NHS: variants seen among roughly 807,000 people sequenced by gnomAD.
NHS encodes the protein NHS actin remodeling regulator, also known as actin remodeling regulator NHS.
In NHS, 5 loss-of-function variants were observed where a neutral mutation model predicts 72.5. The ratio of observed to expected loss-of-function variants is 0.07; its 90% CI spans 0.04 to 0.14. The LOEUF (loss-of-function observed/expected upper bound fraction) is 0.14. NHS is among the 10% of genes least tolerant of loss of function. The pLI is 1.00. For missense variants in NHS, 1,072 were observed against 1,355.7 expected (o/e 0.79, Z 3.29); for synonymous variants, 464 against 547.7 (o/e 0.85, Z 2.13).
Position 17,726,202 on chromosome X carries a change from C to T in NHS, c.2096C>T (p.Ala699Val), listed in dbSNP as rs751367696. Reference protein sequence around the residue: ...DHLDKVRGHRANSFTSTVADL... With the variant: ...DHLDKVRGHRVNSFTSTVADL... ...TTGGATAAAGTGAGAGGCCATCGGGCAAACTCCTTTACCTCCACTGTTGCA... is the reference window on the plus strand; with the variant it reads ...TTGGATAAAGTGAGAGGCCATCGGGTAAACTCCTTTACCTCCACTGTTGCA... The change falls in exon 7 of 9, where the codon GCA (alanine) becomes GTA (valine). Residue 699 changes from alanine to valine, a missense_variant. By Grantham distance (64) the Ala-to-Val change is moderately conservative (BLOSUM62 0). Transcript: ENST00000676302. The T allele has an allele frequency of 1.7e-5, 21 of 1,210,434 alleles. No homozygotes were observed. The Admixed American group carries it at 4.1e-4, about 24-fold the overall frequency.
intron 4 of NHS, among the ~76,000 whole-genome samples, chrX:17,720,936 T>C (rs917240696): frequency 8.9e-6 from 1 of 112,289 alleles, no homozygotes; most frequent in African/African-American, 3.2e-5. Flanking sequence ...AATTAACTCC[T>C]CATGTTTTAA....
At chrX:17,607,391 G>C in intron 1 of NHS, among the ~76,000 whole-genome samples, 1 of 111,826 alleles carries the variant, frequency 8.9e-6, no homozygotes. Context: ...CCAGCCCTTG[G>C]GGAGGTTCTA....
chrX:17,615,185 T>C (rs1201042209), intron 1 of NHS, among the ~76,000 whole-genome samples: 12 of 88,498 alleles, frequency 1.4e-4, no homozygotes, highest in African/African-American at 5.2e-4. Flanking sequence ...ATATATATAG[T>C]ATATATACAC....
chrX:17,456,560 T>C (rs2064826608), intron 1 of NHS, among the ~76,000 whole-genome samples: 1 of 112,228 alleles, frequency 8.9e-6, no homozygotes, highest in African/African-American at 3.2e-5. Flanking sequence ...TTGAAACTGG[T>C]AATGCCATTT....
At chrX:17,440,108 A>G (rs1386802809) in intron 1 of NHS, among the ~76,000 whole-genome samples, 1 of 109,270 alleles carries the variant, frequency 9.2e-6, no homozygotes, top group Non-Finnish European at 1.9e-5. Context: ...TAAAAATACA[A>G]TAATTAGCTG....
At chrX:17,638,702 A>T (rs1479743556) in intron 1 of NHS, among the ~76,000 whole-genome samples, 1 of 112,314 alleles carries the variant, frequency 8.9e-6, no homozygotes, top group East Asian at 2.8e-4. Flanking sequence ...TTAAACGATG[A>T]TGAAATGAAA....
At chrX:17,384,229 G>T (rs2064394382) in intron 1 of NHS, among the ~76,000 whole-genome samples, 1 of 111,952 alleles carries the variant, frequency 8.9e-6, no homozygotes, top group Admixed American at 9.5e-5. Flanking sequence ...TTTGGTTAGT[G>T]TGTTCTCTTG....
chrX:17,642,772 T>C (rs1338007476), intron 1 of NHS, among the ~76,000 whole-genome samples: 1 of 112,755 alleles, frequency 8.9e-6, no homozygotes, highest in Non-Finnish European at 1.9e-5. Context: ...TAGCAACTTA[T>C]TTTAGCAATT....
At chrX:17,663,053 TATTCATTC>T (rs770263416) in intron 1 of NHS, among the ~76,000 whole-genome samples, 1 of 111,906 alleles carries the variant, frequency 8.9e-6, no homozygotes, top group Admixed American at 9.5e-5. Context: ...CTCTGATTAT[TATTCATTC>T]ATTCATTCAA....
intron 1 of NHS, among the ~76,000 whole-genome samples, chrX:17,480,679 T>C (rs1347947765): frequency 8.9e-6 from 1 of 111,883 alleles, no homozygotes; most frequent in African/African-American, 3.2e-5. Flanking sequence ...CATGACGTTT[T>C]AATTAATTTA....
At chrX:17,655,687 G>C (rs906690080) in intron 1 of NHS, among the ~76,000 whole-genome samples, 1 of 112,865 alleles carries the variant, frequency 8.9e-6, no homozygotes, top group Middle Eastern at 4.6e-3. Flanking sequence ...GCTGTAAATC[G>C]AAGCTGTCTA....
rs188005469 is a variant in NHS, at chrX:17,389,848, C to A, written c.565+13526C>A. 6.3e-5 allele frequency among the ~76,000 whole-genome samples: 7 copies of A among 110,237 alleles called. No individual in the cohort carries two copies. In the East Asian group the frequency reaches 2.0e-3, roughly 31 times the overall value. On this transcript the variant is annotated intron_variant, in intron 1 of 8. Transcript: ENST00000676302. ...AACTCCTGACCTCAAGTGATCTGCC[C>A]GCCTCGGCCTCCCAAAGTGCTGGGA...
chrX:17,564,697 A>G (rs372103413), intron 1 of NHS, among the ~76,000 whole-genome samples: 3 of 112,271 alleles, frequency 2.7e-5, no homozygotes, highest in African/African-American at 9.7e-5. Context: ...TCAAATTGCC[A>G]TTTTTTTGTG....
At chrX:17,567,272 C>G (rs1053479968) in intron 1 of NHS, among the ~76,000 whole-genome samples, 2 of 111,950 alleles carry the variant, frequency 1.8e-5, no homozygotes, top group East Asian at 5.6e-4. Context: ...GCGTTTGAAG[C>G]CTTAGGCAGA....
chrX:17,709,497 T>G (rs1170155756), intron 3 of NHS, among the ~76,000 whole-genome samples: 1 of 109,448 alleles, frequency 9.1e-6, no homozygotes, highest in Non-Finnish European at 1.9e-5. Context: ...TCCATGTGCT[T>G]TATCAGTCAG....
intron 1 of NHS, among the ~76,000 whole-genome samples, chrX:17,566,126 C>T (rs781336265): frequency 3.6e-4 from 40 of 109,694 alleles, no homozygotes; most frequent in Non-Finnish European, 5.3e-4. Context: ...ACTACAGGTG[C>T]GTGCCACCAC....
chrX:17,484,118 C>T (rs2064957855), intron 1 of NHS, among the ~76,000 whole-genome samples: 1 of 112,322 alleles, frequency 8.9e-6, no homozygotes, highest in Non-Finnish European at 1.9e-5. Flanking sequence ...GAACTATTTA[C>T]ATCATGGAAT....
At chrX:17,663,391 C>T (rs145922833) in intron 1 of NHS, among the ~76,000 whole-genome samples, 48 of 111,785 alleles carry the variant, frequency 4.3e-4, no homozygotes, top group African/African-American at 1.4e-3. Context: ...TTTCCAGTCT[C>T]TCTCCCACAC....
At chrX:17,706,393 T>C (rs1433859364) in intron 3 of NHS, among the ~76,000 whole-genome samples, 4 of 111,193 alleles carry the variant, frequency 3.6e-5, no homozygotes, top group Non-Finnish European at 7.5e-5. Flanking sequence ...ACTATGGCTA[T>C]GTAAGCTTTT....
Sources: allele counts gnomAD v4.1 joint callset (sites outside exome capture counted in the v4.1 genomes callset), GRCh38; gene constraint gnomAD v4.1.1; transcripts MANE v1.5; gene names NCBI Gene and HGNC (gene_info 2026-07-23, HGNC 2026-07-21).